Variants in PRKCB observed in about 807,000 individuals in gnomAD.
The protein encoded by PRKCB is protein kinase C beta.
A neutral mutation model predicts 81.5 loss-of-function variants in PRKCB; 13 were observed. The observed-to-expected ratio is 0.16, with a 90% CI of 0.10 to 0.25. The LOEUF (loss-of-function observed/expected upper bound fraction) is 0.25. PRKCB is among the 10% of genes least tolerant of loss of function. The pLI is 1.00. For missense variants in PRKCB, 509 were observed against 875.7 expected (o/e 0.58, Z 5.29); for synonymous variants, 335 against 321.4 (o/e 1.04, Z -0.45).
rs1329591499 is a variant in PRKCB, at chr16:24,217,132, AAG to A, written c.*2320_*2321del. 1.4e-5 allele frequency: 14 copies of A among 982,292 alleles called. No individual in the cohort carries two copies. Among genetic ancestry groups the A allele is most frequent in the Admixed American group, 6.2e-5 (1 of 16,206 alleles). The allele number at this position is 982,292 out of a possible 1,614,324, so 60.8% of individuals were successfully genotyped here. The stretch of plus-strand genomic sequence containing the variant: ...AGAAAAAGAAAGAAGGAAAGAAAGA[AAG>A]AGAAAGGAAGGAAGGAAAGAAGGAA... On this transcript the variant is annotated 3_prime_UTR_variant, in exon 17 of 17. Coordinates refer to ENST00000643927, the MANE Select transcript of PRKCB (RefSeq NM_002738.7).
chr16:24,118,563 A>G (rs2141923910), intron 8 of PRKCB, among the ~76,000 whole-genome samples: 1 of 152,270 alleles, frequency 6.6e-6, no homozygotes, highest in South Asian at 2.1e-4. Flanking sequence ...TTTAGCCAGG[A>G]CAGGCATTCA....
chr16:23,843,945 T>C (rs1962315216), intron 2 of PRKCB, among the ~76,000 whole-genome samples: 1 of 152,202 alleles, frequency 6.6e-6, no homozygotes, highest in South Asian at 2.1e-4. Flanking sequence ...TCTGTCTCTT[T>C]GTTTCCATCA....
At chr16:24,185,639 C>T in intron 15 of PRKCB, 72 bp downstream of exon 15, 4 of 1,297,732 alleles carry the variant, frequency 3.1e-6, no homozygotes, top group South Asian at 2.5e-5. Flanking sequence ...TGCCCAAGAA[C>T]ACCCCACCAG....
chr16:23,952,998 G>A (rs546474645), intron 2 of PRKCB, among the ~76,000 whole-genome samples: 2 of 152,176 alleles, frequency 1.3e-5, no homozygotes, highest in South Asian at 4.1e-4. Flanking sequence ...TACTGAGAGG[G>A]GCATTTATTC....
intron 5 of PRKCB, among the ~76,000 whole-genome samples, chr16:24,078,499 G>A (rs1966207950): frequency 6.6e-6 from 1 of 152,136 alleles, no homozygotes; most frequent in Non-Finnish European, 1.5e-5. Context: ...AGACCCTCAG[G>A]GCCAACCTGA....
intron 3 of PRKCB, among the ~76,000 whole-genome samples, chr16:23,993,234 G>A (rs1259394207): frequency 6.6e-6 from 1 of 152,172 alleles, no homozygotes; most frequent in Non-Finnish European, 1.5e-5. Context: ...TATTAAGGGG[G>A]TAGGATAATG....
At chr16:24,020,289 A>G (rs1051459440) in intron 3 of PRKCB, among the ~76,000 whole-genome samples, 9 of 152,344 alleles carry the variant, frequency 5.9e-5, no homozygotes, top group African/African-American at 2.2e-4. Flanking sequence ...AAATAGGTTT[A>G]TTTAAATAAA....
At chr16:24,040,993 T>G (rs1365760950) in intron 5 of PRKCB, among the ~76,000 whole-genome samples, 2 of 152,056 alleles carry the variant, frequency 1.3e-5, no homozygotes, top group Non-Finnish European at 2.9e-5. Flanking sequence ...AATGTCCAGA[T>G]CAGAGTTGTA....
intron 2 of PRKCB, among the ~76,000 whole-genome samples, chr16:23,909,551 T>C (rs1195751978): frequency 1.3e-5 from 2 of 152,184 alleles, no homozygotes; most frequent in Admixed American, 6.5e-5. Flanking sequence ...TCTGAGCTTT[T>C]TGAGTAACCA....
chr16:24,009,851 C>T (rs1965178369), intron 3 of PRKCB, among the ~76,000 whole-genome samples: 1 of 151,894 alleles, frequency 6.6e-6, no homozygotes, highest in Non-Finnish European at 1.5e-5. Context: ...CCCGTCCCTG[C>T]TGAAAATACA....
chr16:23,941,673 A>G (rs1964142359), intron 2 of PRKCB, among the ~76,000 whole-genome samples: 1 of 152,214 alleles, frequency 6.6e-6, no homozygotes, highest in Admixed American at 6.5e-5. Context: ...AAAAAAAAGC[A>G]TTTGTTAAAA....
intron 2 of PRKCB, among the ~76,000 whole-genome samples, chr16:23,843,487 T>C (rs766669592): frequency 2.6e-5 from 4 of 152,090 alleles, no homozygotes; most frequent in Non-Finnish European, 4.4e-5. Context: ...AATGTCCCAA[T>C]CGAAATAAGA....
chr16:24,050,219 A>G (rs1028767875), intron 5 of PRKCB, among the ~76,000 whole-genome samples: 4 of 152,124 alleles, frequency 2.6e-5, no homozygotes, highest in Admixed American at 6.5e-5. Flanking sequence ...TCAGCCATTT[A>G]CTTTCTAATC....
rs967316719 is a variant in PRKCB at position 23,951,084 on chromosome 16, C to T, written c.206-37424C>T. Among the ~76,000 whole-genome samples, 13 of 152,294 alleles carry T rather than the reference C, an allele frequency of 8.5e-5. 3 individuals are homozygous for T. The highest frequency in any genetic ancestry group is 4.6e-4 in the Admixed American group (7 of 15,304). On this transcript the variant is annotated intron_variant, in intron 2 of 16. Transcript: ENST00000643927. The stretch of plus-strand genomic sequence containing the variant: ...AAGAACACTCTGCAGCTCAGATATG[C>T]GGCATTACTTTTCCTGTTTGACTCA...
intron 7 of PRKCB, 98 bp downstream of exon 7, chr16:24,094,395 AAC>A: frequency 1.4e-6 from 2 of 1,459,624 alleles, no homozygotes; most frequent in Non-Finnish European, 9.3e-7. Context: ...GAAATACTAA[AAC>A]AGAGTCCCAA....
intron 2 of PRKCB, among the ~76,000 whole-genome samples, chr16:23,911,125 A>AT (rs1963644251): frequency 6.6e-5 from 1 of 15,250 alleles, no homozygotes; most frequent in Non-Finnish European, 1.3e-4. Flanking sequence ...AAACGTATAT[A>AT]TGCTTTTTTT....
At chr16:23,933,813 T>TCCAC (rs1964016228) in intron 2 of PRKCB, among the ~76,000 whole-genome samples, 1 of 112,072 alleles carries the variant, frequency 8.9e-6, no homozygotes, top group Non-Finnish European at 1.9e-5. Context: ...CATCCACCCA[T>TCCAC]CCATCCATCT....
intron 15 of PRKCB, among the ~76,000 whole-genome samples, chr16:24,187,935 T>C (rs1207872738): frequency 2.6e-5 from 4 of 152,230 alleles, no homozygotes; most frequent in Admixed American, 6.5e-5. Context: ...AAAGAGTTTT[T>C]GAGAGCATTA....
intron 2 of PRKCB, among the ~76,000 whole-genome samples, chr16:23,934,757 G>A (rs1401664258): frequency 1.3e-5 from 2 of 152,156 alleles, no homozygotes; most frequent in East Asian, 3.8e-4. Context: ...TTGCGCACAT[G>A]GAGAGAGGAG....
Sources: gnomAD v4.1 joint callset for allele counts (sites outside exome capture counted in the v4.1 genomes callset) on GRCh38, gnomAD v4.1.1 for gene constraint, MANE v1.5 for transcripts, NCBI Gene and HGNC (gene_info 2026-07-23, HGNC 2026-07-21) for gene names.